COX6C: variants seen among roughly 807,000 people sequenced by gnomAD.
The protein encoded by COX6C is cytochrome c oxidase polypeptide VIc.
In COX6C, 3 loss-of-function variants were observed where a neutral mutation model predicts 6.9. The ratio of observed to expected loss-of-function variants is 0.43; its 90% CI spans 0.20 to 1.12. COX6C has a LOEUF of 1.12. Among genes scored for constraint, COX6C ranks in the 50% most tolerant of loss-of-function variants. COX6C has a pLI of 0.27. For synonymous variants in COX6C, 32 were observed against 32.0 expected (o/e 1.00, Z 0.00); for missense variants, 101 against 97.3 (o/e 1.04, Z -0.16).
chr8:99,878,450 T>TA (rs1345963226), intron 3 of COX6C, 185 bp from the exon 4 acceptor site: 3 of 152,242 alleles, frequency 2.0e-5, no homozygotes, highest in Non-Finnish European at 4.4e-5. Flanking sequence ...TACGCTCCTC[T>TA]AAGCTCCCTG....
intron 3 of COX6C, among the ~76,000 whole-genome samples, chr8:99,883,469 A>ATTTT (rs563313291): frequency 0.013 from 1,895 of 142,732 alleles, 55 homozygotes; most frequent in African/African-American, 0.05. Flanking sequence ...ATATATATAT[A>ATTTT]TATTTTTTTT....
intron 1 of COX6C, among the ~76,000 whole-genome samples, chr8:99,892,381 C>T (rs1051688631): frequency 6.6e-6 from 1 of 152,108 alleles, no homozygotes; most frequent in Non-Finnish European, 1.5e-5. Context: ...TATTGACTGA[C>T]TAAACGCTGT....
chr8:99,887,601 T>G lies in COX6C; in HGVS notation c.132A>C (p.Gln44His). ...AALYKFRVAD[Q>H]RKKAYADFYR... ...AGAAATCTGCGTATGCCTTCTTTCTTTGATCAGCCACACGAAACTAAAAAG... is the reference window on the plus strand; with the variant it reads ...AGAAATCTGCGTATGCCTTCTTTCTGTGATCAGCCACACGAAACTAAAAAG... The change falls in exon 3 of 4, where the codon CAA (glutamine) becomes CAC (histidine). Residue 44 changes from glutamine to histidine, a missense_variant. Transcript: ENST00000520468. 6.2e-7 allele frequency: 1 copy of G among 1,600,778 alleles called. No individual in the cohort carries two copies. The highest frequency in any genetic ancestry group is 1.4e-5 in the African/African-American group (1 of 73,804).
At chr8:99,884,572 T>C (rs182594027) in intron 3 of COX6C, among the ~76,000 whole-genome samples, 3 of 152,236 alleles carry the variant, frequency 2.0e-5, no homozygotes, top group African/African-American at 4.8e-5. Flanking sequence ...AACTGAAACA[T>C]GTCACTATAA....
At chr8:99,883,014 C>T (rs1451982074) in intron 3 of COX6C, among the ~76,000 whole-genome samples, 1 of 152,098 alleles carries the variant, frequency 6.6e-6, no homozygotes, top group Non-Finnish European at 1.5e-5. Context: ...TTTCAAACTC[C>T]TGGGCTCAAG....
At chr8:99,881,829 C>T (rs1322057792) in intron 3 of COX6C, among the ~76,000 whole-genome samples, 2 of 152,052 alleles carry the variant, frequency 1.3e-5, no homozygotes, top group African/African-American at 4.8e-5. Context: ...AACCTGGATC[C>T]AATTATATGC....
intron 3 of COX6C, among the ~76,000 whole-genome samples, chr8:99,881,548 C>T (rs954443420): frequency 5.3e-5 from 8 of 151,986 alleles, no homozygotes; most frequent in Admixed American, 1.3e-4. Context: ...TTTTTATATG[C>T]AATTGAGGTT....
At position 99,893,651 on chromosome 8, in the gene COX6C, G is replaced by A. The variant is rs1368923620; in HGVS notation, c.-44C>T. 1 of 152,258 alleles carries A rather than the reference G, an allele frequency of 6.6e-6. No homozygotes were observed. Among genetic ancestry groups the A allele is most frequent in the East Asian group, 1.9e-4 (1 of 5,206 alleles). 9.4% of individuals were successfully genotyped at this position (152,258 alleles called of 1,614,324 possible). Reference sequence around the variant, plus strand: ...GGACCGGACTCACCTCAACACCAACGTCCTTCCTGACTAAAGGAAAAACGA... The same window carrying A: ...GGACCGGACTCACCTCAACACCAACATCCTTCCTGACTAAAGGAAAAACGA... On this transcript the variant is annotated 5_prime_UTR_variant, in exon 1 of 4. In the 5' UTR this introduces an upstream ATG that the reference lacks. Transcript: ENST00000520468.
chr8:99,888,115 TAAAAAATAAAAAA>T (rs1326948702), intron 2 of COX6C, among the ~76,000 whole-genome samples: 6 of 144,732 alleles, frequency 4.1e-5, no homozygotes, highest in African/African-American at 1.5e-4. Flanking sequence ...TAAAAAAAAA[TAAAAAATAAAAAA>T]AAAATAAAAA....
intron 3 of COX6C, among the ~76,000 whole-genome samples, chr8:99,880,734 A>AG (rs1301727983): frequency 6.6e-6 from 1 of 151,968 alleles, no homozygotes; most frequent in Non-Finnish European, 1.5e-5. Context: ...AAGTCTGAAG[A>AG]GAAAAAAAAA....
intron 2 of COX6C, among the ~76,000 whole-genome samples, 193 bp downstream of exon 2, chr8:99,891,715 C>A (rs1163197247): frequency 1.3e-5 from 2 of 152,166 alleles, no homozygotes; most frequent in Non-Finnish European, 2.9e-5. Context: ...GTCTGTGGTT[C>A]TTTGTTACGG....
chr8:99,884,555 A>T (rs1252116458), intron 3 of COX6C, among the ~76,000 whole-genome samples: 1 of 152,228 alleles, frequency 6.6e-6, no homozygotes, highest in African/African-American at 2.4e-5. Context: ...TAAGGAAGTA[A>T]GAAGGAAACT....
At position 99,892,023 on chromosome 8, in the gene COX6C, G is replaced by A; in HGVS notation, c.-2C>T. The A allele has an allele frequency of 6.2e-7, 1 of 1,609,362 alleles. No homozygotes were observed. Among genetic ancestry groups the A allele is most frequent in the Non-Finnish European group, 8.5e-7 (1 of 1,177,370 alleles). On this transcript the variant is annotated 5_prime_UTR_variant, in exon 2 of 4. Transcript: ENST00000520468. ...TTTTGGCAAAACTTCGGGAGCCATG[G>A]TAGTTACTGTCCTTGATACGTATGC...
chr8:99,883,257 C>A (rs1817891651), intron 3 of COX6C, among the ~76,000 whole-genome samples: 1 of 151,786 alleles, frequency 6.6e-6, no homozygotes, highest in Non-Finnish European at 1.5e-5. Context: ...TTCTGTTATC[C>A]AGGATGGAGT....
chr8:99,889,535 G>A (rs992403775), intron 2 of COX6C, among the ~76,000 whole-genome samples: 10 of 151,748 alleles, frequency 6.6e-5, no homozygotes, highest in African/African-American at 2.2e-4. Context: ...ACAGGTGCCC[G>A]ACACCACGCC....
At chr8:99,880,871 T>G (rs1413306103) in intron 3 of COX6C, among the ~76,000 whole-genome samples, 1 of 151,790 alleles carries the variant, frequency 6.6e-6, no homozygotes, top group Non-Finnish European at 1.5e-5. Context: ...GAATAATACA[T>G]CCCACAAAAC....
intron 3 of COX6C, 188 bp downstream of exon 3, chr8:99,887,302 T>C: frequency 2.3e-6 from 1 of 429,558 alleles, no homozygotes; most frequent in Non-Finnish European, 4.1e-6. Context: ...AAAAGTATTG[T>C]GCCACTTATT....
rs1817963240 is a variant in COX6C at position 99,887,566 on chromosome 8, T to C, written c.167A>G (p.Tyr56Cys). ...CTCCTCAAAATCTTTCATGACATCGTAGTTTCTGTAGAAATCTGCGTATGC... is the reference window on the plus strand; with the variant it reads ...CTCCTCAAAATCTTTCATGACATCGCAGTTTCTGTAGAAATCTGCGTATGC... ...KKAYADFYRNYDVMKDFEEMR... is the reference protein window; with the variant it reads ...KKAYADFYRNCDVMKDFEEMR... Residue 56 changes from tyrosine to cysteine, a missense_variant, in exon 3 of 4, where the codon TAC becomes TGC. Transcript: ENST00000520468. 2 of 1,611,238 alleles carry C rather than the reference T, an allele frequency of 1.2e-6. No individual in the cohort carries two copies. Among genetic ancestry groups the C allele is most frequent in the African/African-American group, 1.3e-5 (1 of 74,594 alleles).
At chr8:99,885,771 A>G (rs989592881) in intron 3 of COX6C, among the ~76,000 whole-genome samples, 1 of 152,240 alleles carries the variant, frequency 6.6e-6, no homozygotes, top group Admixed American at 6.5e-5. Context: ...ACACAGAACA[A>G]AAATAAAAAT....
Sources: allele counts gnomAD v4.1 joint callset (sites outside exome capture counted in the v4.1 genomes callset), GRCh38; gene constraint gnomAD v4.1.1; transcripts MANE v1.5; gene names NCBI Gene and HGNC (gene_info 2026-07-23, HGNC 2026-07-21).